Variants in CECR2 observed in about 807,000 individuals in gnomAD.
CECR2 encodes chromatin remodeling regulator CECR2.
A neutral mutation model predicts 154.5 loss-of-function variants in CECR2; 30 were observed. That is an observed-to-expected ratio of 0.19 (90% confidence interval 0.15 to 0.26). The LOEUF (loss-of-function observed/expected upper bound fraction) is 0.26, where lower values mean the gene tolerates loss of function less well. Among genes scored for constraint, CECR2 ranks in the 10% least tolerant of loss-of-function variants. The probability of loss-of-function intolerance (pLI) is 1.00; values close to 1 mark genes in which losing one functional copy is unlikely to be tolerated. For missense variants in CECR2, 1,743 were observed against 1,829.3 expected, an observed-to-expected ratio of 0.95 and a Z score of 0.86; for synonymous variants, 725 against 683.7, an observed-to-expected ratio of 1.06 and a Z score of -0.94.
At chr22:17,389,103 T>G (rs1359052365) in intron 1 of CECR2, among the ~76,000 whole-genome samples, 1 of 152,126 alleles carries the variant, frequency 6.6e-6, no homozygotes, top group Non-Finnish European at 1.5e-5. Context: ...TGTGAGCCAC[T>G]GCGCCCGGCC....
chr22:17,526,342 C>T (rs1271184017), intron 9 of CECR2, among the ~76,000 whole-genome samples: 1 of 152,094 alleles, frequency 6.6e-6, no homozygotes, highest in Non-Finnish European at 1.5e-5. Flanking sequence ...AATCCAGAAA[C>T]AAGTCCACAC....
chr22:17,512,708 A>G (rs1242309059), intron 8 of CECR2, among the ~76,000 whole-genome samples: 28 of 200 alleles, frequency 0.14, no homozygotes, highest in South Asian at 0.5. Flanking sequence ...TCTGTCTCAG[A>G]AAAAAAAAAA....
intron 10 of CECR2, among the ~76,000 whole-genome samples, 197 bp from the exon 11 acceptor site, chr22:17,538,323 A>C (rs191004053): frequency 2.2e-4 from 34 of 152,356 alleles, no homozygotes; most frequent in African/African-American, 7.9e-4. Flanking sequence ...GGAAAGTGAC[A>C]TTCCCAGTTT....
At chr22:17,546,245 T>C (rs1379462251) in intron 16 of CECR2, among the ~76,000 whole-genome samples, 3 of 152,086 alleles carry the variant, frequency 2.0e-5, no homozygotes, top group African/African-American at 4.8e-5. Context: ...CCCAGCACTT[T>C]GGGAGGCCGA....
chr22:17,500,763 T>C lies in CECR2; in HGVS notation c.650+28T>C, dbSNP rs888385644. The C allele has an allele frequency of 9.7e-6, 14 of 1,447,600 alleles. No individual in the cohort carries two copies. In the African/African-American group the frequency reaches 1.7e-4, roughly 18 times the overall value. 89.7% of individuals were successfully genotyped at this position (1,447,600 alleles called of 1,614,324 possible). On this transcript the variant is annotated intron_variant, in intron 5 of 18. Coordinates refer to ENST00000262608, the MANE Select transcript of CECR2 (RefSeq NM_001290047.2). Reference sequence around the variant, plus strand: ...AAGAAAATCTTGTTAGTTGTGGTCATAGACCATGGCAGAAGGGACCTTAAT... The same window carrying C: ...AAGAAAATCTTGTTAGTTGTGGTCACAGACCATGGCAGAAGGGACCTTAAT...
intron 2 of CECR2, among the ~76,000 whole-genome samples, chr22:17,485,022 C>T (rs997092747): frequency 5.3e-5 from 8 of 152,272 alleles, no homozygotes; most frequent in East Asian, 1.9e-4. Context: ...TCCTTTCAAC[C>T]GTACTCTCCA....
At chr22:17,546,749 A>G (rs2056620337) in intron 16 of CECR2, among the ~76,000 whole-genome samples, 1 of 151,678 alleles carries the variant, frequency 6.6e-6, no homozygotes, top group African/African-American at 2.4e-5. Context: ...TAATAAAAAG[A>G]TTATTTTGGC....
At position 17,537,242 on chromosome 22, in the gene CECR2, T is replaced by C; in HGVS notation, c.1238+10T>C. 6.2e-7 allele frequency: 1 copy of C among 1,613,544 alleles called. No individual in the cohort carries two copies. Among genetic ancestry groups the C allele is most frequent in the East Asian group, 2.2e-5 (1 of 44,874 alleles). On this transcript the variant is annotated intron_variant, in intron 10 of 18. Transcript: ENST00000262608. ...AAAAGACTAAAGACCTGTGAGTATT[T>C]AGTAACAACAACAACAGCAGTAGCA...
chr22:17,393,862 T>G (rs900832935), intron 1 of CECR2, among the ~76,000 whole-genome samples: 1 of 151,940 alleles, frequency 6.6e-6, no homozygotes, highest in African/African-American at 2.4e-5. Flanking sequence ...TTTTCATTAT[T>G]GAGGTGTAAG....
chr22:17,456,450 C>T (rs911174019), intron 1 of CECR2, among the ~76,000 whole-genome samples: 12 of 152,214 alleles, frequency 7.9e-5, no homozygotes, highest in African/African-American at 2.9e-4. Context: ...TTTCAGTGCC[C>T]TAATAATTTT....
chr22:17,552,558 A>C (rs1177996982), intron 18 of CECR2, among the ~76,000 whole-genome samples: 1 of 151,934 alleles, frequency 6.6e-6, no homozygotes, highest in Non-Finnish European at 1.5e-5. Flanking sequence ...TCTCCCATGC[A>C]GTCTTTCCCT....
chr22:17,531,493 G>A (rs750025039), intron 9 of CECR2, among the ~76,000 whole-genome samples: 2 of 152,156 alleles, frequency 1.3e-5, no homozygotes, highest in Non-Finnish European at 2.9e-5. Context: ...CAGGATCCCA[G>A]CCCCATTATC....
intron 1 of CECR2, among the ~76,000 whole-genome samples, chr22:17,412,006 A>T (rs16982381): frequency 6.6e-6 from 1 of 152,168 alleles, no homozygotes; most frequent in African/African-American, 2.4e-5. Flanking sequence ...CAGTGCTAAG[A>T]TGACATCTCT....
At chr22:17,478,089 T>TAAA (rs367704128) in intron 2 of CECR2, among the ~76,000 whole-genome samples, 1 of 148,046 alleles carries the variant, frequency 6.8e-6, no homozygotes, top group African/African-American at 2.5e-5. Context: ...ACTGATGTAA[T>TAAA]AAAAAAAAAA....
At chr22:17,519,140 T>G (rs1256453538) in intron 8 of CECR2, 1 of 154,508 alleles carries the variant, frequency 6.5e-6, no homozygotes, top group Non-Finnish European at 1.4e-5. Flanking sequence ...GATGTCATAG[T>G]AAGTGGTTTC....
chr22:17,541,515 T>C (rs1023502457), intron 14 of CECR2, among the ~76,000 whole-genome samples: 1 of 152,214 alleles, frequency 6.6e-6, no homozygotes, highest in African/African-American at 2.4e-5. Flanking sequence ...GAATGTACAG[T>C]ATATCTGCAA....
At chr22:17,430,434 A>G (rs371132588) in intron 1 of CECR2, among the ~76,000 whole-genome samples, 1 of 152,040 alleles carries the variant, frequency 6.6e-6, no homozygotes, top group Non-Finnish European at 1.5e-5. Context: ...AAGATGCTCT[A>G]TCAGCCAATT....
intron 16 of CECR2, among the ~76,000 whole-genome samples, chr22:17,546,629 G>C (rs928263615): frequency 6.6e-6 from 1 of 152,120 alleles, no homozygotes; most frequent in Non-Finnish European, 1.5e-5. Context: ...AGTAGCCTGA[G>C]CTATGTTAAT....
chr22:17,451,243 C>G (rs2054764582), intron 1 of CECR2, among the ~76,000 whole-genome samples: 1 of 152,152 alleles, frequency 6.6e-6, no homozygotes, highest in Admixed American at 6.5e-5. Context: ...AATTGGCAGC[C>G]ATTACAGGTA....
Sources: allele counts gnomAD v4.1 joint callset (sites outside exome capture counted in the v4.1 genomes callset), GRCh38; gene constraint gnomAD v4.1.1; transcripts MANE v1.5; gene names NCBI Gene and HGNC (gene_info 2026-07-23, HGNC 2026-07-21).